SAMSN1: variants seen among roughly 807,000 people sequenced by gnomAD.
SAMSN1 encodes SAM domain-containing protein SAMSN-1.
Under a neutral mutation model 42.0 loss-of-function variants are expected in SAMSN1, and 31 were observed. That is an observed-to-expected ratio of 0.74 (90% CI 0.55 to 1.00). SAMSN1 has a LOEUF of 1.00. SAMSN1 is among the 50% of genes least tolerant of loss of function. The pLI, the probability that SAMSN1 is intolerant of heterozygous loss-of-function variation, is 0.00. For missense variants in SAMSN1, 464 were observed against 439.4 expected (o/e 1.06, Z -0.50); for synonymous variants, 178 against 151.9 (o/e 1.17, Z -1.26).
At chr21:14,487,651 A>C (rs1432450123) in intron 7 of SAMSN1, among the ~76,000 whole-genome samples, 1 of 152,188 alleles carries the variant, frequency 6.6e-6, no homozygotes, top group Non-Finnish European at 1.5e-5. Context: ...ATTGCTTCTT[A>C]GTCTGCTCAT....
At position 14,619,444 on chromosome 21, in the gene SAMSN1, A is replaced by G. The variant is rs75795134; in HGVS notation, c.157-3428T>C. Among the ~76,000 whole-genome samples, 621 of 152,322 alleles carry G rather than the reference A, an allele frequency of 4.1e-3. 6 individuals are homozygous for G. The highest frequency in any genetic ancestry group is 0.014 in the African/African-American group (587 of 41,570). On this transcript the variant is annotated intron_variant, in intron 2 of 15. Coordinates refer to the SAMSN1 transcript ENST00000647101. ...TGAAAATGAAAAAATTGAGGCTCAAAATGATAAATGGACTCATTTACGATC... is the reference window on the plus strand; with the variant it reads ...TGAAAATGAAAAAATTGAGGCTCAAGATGATAAATGGACTCATTTACGATC...
chr21:14,541,413 C>G (rs1980021442), intron 1 of SAMSN1, among the ~76,000 whole-genome samples: 1 of 152,008 alleles, frequency 6.6e-6, no homozygotes, highest in African/African-American at 2.4e-5. Flanking sequence ...ACCCTGTAGC[C>G]CATGATGGCT....
At chr21:14,545,266 A>G (rs1398267228) in intron 1 of SAMSN1, among the ~76,000 whole-genome samples, 2 of 152,142 alleles carry the variant, frequency 1.3e-5, no homozygotes, top group African/African-American at 4.8e-5. Context: ...TCAATTCAAA[A>G]GGTCATAACA....
chr21:14,628,692 G>T (rs577378462), intron 2 of SAMSN1, among the ~76,000 whole-genome samples: 1 of 152,214 alleles, frequency 6.6e-6, no homozygotes, highest in African/African-American at 2.4e-5. Flanking sequence ...TTTGGCAAAG[G>T]GGAATGTTGG....
At chr21:14,488,728 AAG>A (rs1423103357) in intron 7 of SAMSN1, among the ~76,000 whole-genome samples, 1 of 152,190 alleles carries the variant, frequency 6.6e-6, no homozygotes, top group Non-Finnish European at 1.5e-5. Flanking sequence ...TTTATGGAAA[AAG>A]AAAATAGTTT....
At chr21:14,487,347 T>TATA (rs368552082) in intron 7 of SAMSN1, among the ~76,000 whole-genome samples, 2,128 of 150,188 alleles carry the variant, frequency 0.014, 59 homozygotes, top group African/African-American at 0.048. Context: ...TATTTATTTT[T>TATA]TATATATATA....
intron 2 of SAMSN1, among the ~76,000 whole-genome samples, chr21:14,618,778 G>GA (rs1183170246): frequency 6.6e-6 from 1 of 152,020 alleles, no homozygotes; most frequent in East Asian, 1.9e-4. Context: ...TTATTTCAGT[G>GA]AAAAAATGTC....
chr21:14,494,955 C>G (rs1291860254), intron 7 of SAMSN1, among the ~76,000 whole-genome samples: 2 of 152,104 alleles, frequency 1.3e-5, no homozygotes, highest in Non-Finnish European at 2.9e-5. Flanking sequence ...GCCCATTTTG[C>G]TCAACTTTTA....
intron 6 of SAMSN1, among the ~76,000 whole-genome samples, chr21:14,499,195 G>T (rs1295091874): frequency 6.6e-6 from 1 of 152,138 alleles, no homozygotes; most frequent in African/African-American, 2.4e-5. Flanking sequence ...AAGCACTGTA[G>T]TTGGGGAAAG....
At chr21:14,636,708 G>T (rs999978180) in intron 2 of SAMSN1, among the ~76,000 whole-genome samples, 53 of 151,936 alleles carry the variant, frequency 3.5e-4, no homozygotes, top group Non-Finnish European at 1.8e-4. Flanking sequence ...AATTAGCTGG[G>T]CATGGTGGCA....
At chr21:14,654,387 T>C (rs1004405958) in intron 1 of SAMSN1, among the ~76,000 whole-genome samples, 1 of 152,036 alleles carries the variant, frequency 6.6e-6, no homozygotes, top group Non-Finnish European at 1.5e-5. Context: ...TACGTAAACA[T>C]GTAGGGAAAC....
chr21:14,566,165 C>T (rs1185514914), intron 2 of SAMSN1, among the ~76,000 whole-genome samples: 1 of 152,138 alleles, frequency 6.6e-6, no homozygotes, highest in Admixed American at 6.5e-5. Flanking sequence ...TCAAAGGAGA[C>T]TTTTCTCCAC....
chr21:14,546,282 A>C lies in SAMSN1; in HGVS notation c.-21T>G. 5.0e-6 allele frequency: 8 copies of C among 1,612,826 alleles called. No homozygotes were observed. The highest frequency in any genetic ancestry group is 6.8e-6 in the Non-Finnish European group (8 of 1,179,420). On this transcript the variant is annotated 5_prime_UTR_variant, in exon 1 of 8. Coordinates refer to ENST00000400566, the MANE Select transcript of SAMSN1 (RefSeq NM_022136.5). ...AGCATTTTGAATTCTGACTACTCCT[A>C]GTGAGTGCACTTTCTGCTGTTACAG...
At chr21:14,579,775 C>A (rs907679252) in intron 2 of SAMSN1, among the ~76,000 whole-genome samples, 1 of 151,776 alleles carries the variant, frequency 6.6e-6, no homozygotes, top group African/African-American at 2.4e-5. Context: ...AGCCACCACA[C>A]CTGGCCACTT....
rs547219062 is a variant in SAMSN1, at chr21:14,517,750, G to C, written c.130-709C>G. Among the ~76,000 whole-genome samples, 8 of 152,070 alleles carry C rather than the reference G, an allele frequency of 5.3e-5. No individual in the cohort carries two copies. The East Asian group carries it at 5.8e-4, about 11-fold the overall frequency. ...CCAATGACTCAGAATAAAACACTCT[G>C]TTCACAGCCACAAGACTCTATATGT... On this transcript the variant is annotated intron_variant, in intron 2 of 7. Coordinates refer to ENST00000400566, the MANE Select transcript of SAMSN1 (RefSeq NM_022136.5).
At chr21:14,569,985 C>T (rs1569359) in intron 2 of SAMSN1, among the ~76,000 whole-genome samples, 6 of 52,682 alleles carry the variant, frequency 1.1e-4, no homozygotes, top group African/African-American at 6.8e-4. Context: ...TAACCACTTT[C>T]CCCCCCCCCA....
intron 6 of SAMSN1, among the ~76,000 whole-genome samples, chr21:14,595,102 C>T (rs1201430238): frequency 6.6e-6 from 1 of 152,080 alleles, no homozygotes; most frequent in African/African-American, 2.4e-5. Flanking sequence ...GAGAACAGCT[C>T]CAATGGGTTA....
intron 5 of SAMSN1, among the ~76,000 whole-genome samples, 200 bp downstream of exon 5, chr21:14,510,110 G>T (rs1188956573): frequency 6.6e-6 from 1 of 151,168 alleles, no homozygotes; most frequent in Non-Finnish European, 1.5e-5. Flanking sequence ...CTGCACTCCA[G>T]CCTGGGCAAC....
rs550041197 is a variant in SAMSN1, at chr21:14,537,166, G to A, written c.57+9039C>T. On this transcript the variant is annotated intron_variant, in intron 1 of 7. Coordinates refer to ENST00000400566, the MANE Select transcript of SAMSN1 (RefSeq NM_022136.5). ...CCAGCTCTTTGCGGCGGCTCTTCCCGCTATGCACTCTGCCCCACTGCTTCT... is the reference window on the plus strand; with the variant it reads ...CCAGCTCTTTGCGGCGGCTCTTCCCACTATGCACTCTGCCCCACTGCTTCT... 1.1e-4 allele frequency among the ~76,000 whole-genome samples: 17 copies of A among 152,208 alleles called. No individual in the cohort carries two copies. In the South Asian group the frequency reaches 2.1e-3, roughly 19 times the overall value.
Sources: allele counts gnomAD v4.1 joint callset (sites outside exome capture counted in the v4.1 genomes callset), GRCh38; gene constraint gnomAD v4.1.1; transcripts MANE v1.5; gene names NCBI Gene and HGNC (gene_info 2026-07-23, HGNC 2026-07-21).